Variants in CTNNBL1 observed in about 807,000 individuals in gnomAD.
CTNNBL1 encodes the protein beta-catenin-like protein 1.
A neutral mutation model predicts 72.7 loss-of-function variants in CTNNBL1; 31 were observed. The ratio of observed to expected loss-of-function variants is 0.43; its 90% confidence interval spans 0.32 to 0.58. The LOEUF is 0.58. CTNNBL1 is among the 20% of genes least tolerant of loss of function. The pLI, the probability that CTNNBL1 is intolerant of heterozygous loss-of-function variation, is 0.08. For missense variants in CTNNBL1, 534 were observed against 725.1 expected (o/e 0.74, Z 3.03); for synonymous variants, 240 against 267.3 (o/e 0.90, Z 1.00).
At chr20:37,784,961 A>C (rs184393776) in intron 10 of CTNNBL1, among the ~76,000 whole-genome samples, 1 of 152,058 alleles carries the variant, frequency 6.6e-6, no homozygotes, top group African/African-American at 2.4e-5. Context: ...TTTGTCTGGG[A>C]AAGTCTTTAT....
intron 13 of CTNNBL1, among the ~76,000 whole-genome samples, chr20:37,843,635 C>T (rs187415304): frequency 2.0e-5 from 3 of 152,322 alleles, no homozygotes; most frequent in Admixed American, 1.3e-4. Flanking sequence ...CCTATCACTG[C>T]GCTTTTAATT....
chr20:37,721,989 T>C (rs577251168), intron 1 of CTNNBL1, among the ~76,000 whole-genome samples: 70 of 152,208 alleles, frequency 4.6e-4, no homozygotes, highest in Non-Finnish European at 8.8e-4. Flanking sequence ...TTTCCCCATA[T>C]CCTCACCAAC....
intron 1 of CTNNBL1, among the ~76,000 whole-genome samples, chr20:37,706,281 A>G (rs180910159): frequency 2.6e-5 from 4 of 152,294 alleles, no homozygotes; most frequent in South Asian, 2.1e-4. Flanking sequence ...TCTTCCTTTC[A>G]TGAAAGATTT....
At chr20:37,736,247 A>G (rs2073170482) in intron 2 of CTNNBL1, among the ~76,000 whole-genome samples, 1 of 152,152 alleles carries the variant, frequency 6.6e-6, no homozygotes, top group Non-Finnish European at 1.5e-5. Flanking sequence ...CTAAGCAGTG[A>G]CTATAGCTAA....
At chr20:37,860,207 A>G (rs1004199732) in intron 14 of CTNNBL1, 65 bp from the exon 15 acceptor site, 2 of 1,503,960 alleles carry the variant, frequency 1.3e-6, no homozygotes, top group Non-Finnish European at 1.9e-6. Context: ...TTTCAAGGTG[A>G]TACATTCTGG....
chr20:37,753,547 ATGAAAT>A (rs2073338113), intron 4 of CTNNBL1, among the ~76,000 whole-genome samples: 1 of 152,228 alleles, frequency 6.6e-6, no homozygotes, highest in African/African-American at 2.4e-5. Context: ...TAGCTGAAAT[ATGAAAT>A]TAGGTCTTCC....
chr20:37,723,531 A>G (rs1469218915), intron 1 of CTNNBL1, among the ~76,000 whole-genome samples: 5 of 152,160 alleles, frequency 3.3e-5, no homozygotes, highest in Non-Finnish European at 5.9e-5. Flanking sequence ...TCCAGAAAAA[A>G]AGGTAGTAGG....
In CTNNBL1 at chr20:37,767,980, G is replaced by A. The variant is rs746327161; in HGVS notation, c.686G>A (p.Arg229Gln). The A allele has an allele frequency of 1.4e-5, 22 of 1,613,886 alleles. No individual in the cohort carries two copies. Among genetic ancestry groups the A allele is most frequent in the East Asian group, 4.5e-5 (2 of 44,892 alleles). The change falls in exon 7 of 16, where the codon CGG (arginine) becomes CAG (glutamine). Residue 229 changes from arginine to glutamine, a missense_variant. Physicochemically the swap from Arg to Gln is conservative, Grantham distance 43. Transcript: ENST00000361383. ...ATTGTGGAAAACATGGCTGAGTTCC[G>A]GCCTGAGATGTGTACAGAGGGTGCC... ...LAIVENMAEF[R>Q]PEMCTEGAQQ...
intron 1 of CTNNBL1, among the ~76,000 whole-genome samples, chr20:37,704,336 T>A (rs2072867973): frequency 6.6e-6 from 1 of 152,086 alleles, no homozygotes; most frequent in Admixed American, 6.6e-5. Context: ...GGAAAAGGCT[T>A]TATGGAGGGA....
intron 12 of CTNNBL1, 73 bp from the exon 13 acceptor site, chr20:37,842,266 A>G (rs966191473): frequency 3.9e-6 from 4 of 1,016,832 alleles, no homozygotes; most frequent in Non-Finnish European, 4.7e-6. Context: ...AGTGAGATGA[A>G]TAGGAGTGCC....
At chr20:37,782,133 A>G (rs1246798292) in intron 10 of CTNNBL1, among the ~76,000 whole-genome samples, 1 of 152,188 alleles carries the variant, frequency 6.6e-6, no homozygotes, top group Admixed American at 6.5e-5. Flanking sequence ...TTAACTTTCT[A>G]CGTTAAGTGC....
chr20:37,797,489 G>A (rs1341530422), intron 10 of CTNNBL1, among the ~76,000 whole-genome samples: 1 of 151,804 alleles, frequency 6.6e-6, no homozygotes, highest in Non-Finnish European at 1.5e-5. Context: ...CCCTCCCAGG[G>A]TAATCTTACT....
chr20:37,800,606 A>C (rs921598945), intron 10 of CTNNBL1, among the ~76,000 whole-genome samples: 1 of 152,156 alleles, frequency 6.6e-6, no homozygotes, highest in Non-Finnish European at 1.5e-5. Context: ...ATTTATTTTA[A>C]ATATTTACAT....
At chr20:37,768,099 T>C in intron 7 of CTNNBL1, 55 bp downstream of exon 7, 1 of 1,438,770 alleles carries the variant, frequency 7.0e-7, no homozygotes, top group South Asian at 1.1e-5. Flanking sequence ...CTGGGCTTGA[T>C]TGATGCTGGG....
chr20:37,779,151 T>C, intron 9 of CTNNBL1, 36 bp from the exon 10 acceptor site: 4 of 1,607,372 alleles, frequency 2.5e-6, no homozygotes, highest in Non-Finnish European at 3.4e-6. Flanking sequence ...GACATTCTCT[T>C]ATAGCTCTGT....
intron 11 of CTNNBL1, among the ~76,000 whole-genome samples, chr20:37,823,937 T>C (rs183855094): frequency 5.6e-4 from 86 of 152,308 alleles, no homozygotes; most frequent in Non-Finnish European, 1.0e-3. Flanking sequence ...AAGGACTCCT[T>C]ACAAAAGACC....
intron 3 of CTNNBL1, among the ~76,000 whole-genome samples, chr20:37,742,586 A>C (rs1600457090): frequency 6.6e-6 from 1 of 152,046 alleles, no homozygotes; most frequent in East Asian, 1.9e-4. Context: ...TCCTTTGGTT[A>C]GATTTGGCAC....
At chr20:37,859,873 A>T (rs759758094) in intron 13 of CTNNBL1, 26 bp from the exon 14 acceptor site, 1 of 1,611,694 alleles carries the variant, frequency 6.2e-7, no homozygotes, top group Non-Finnish European at 8.5e-7. Context: ...TCCAGCTTTT[A>T]TTCCTAAACG....
At chr20:37,764,994 T>C (rs776698346) in intron 5 of CTNNBL1, among the ~76,000 whole-genome samples, 3 of 152,202 alleles carry the variant, frequency 2.0e-5, no homozygotes, top group Non-Finnish European at 4.4e-5. Context: ...TTAGAGATAA[T>C]GATGCCTGCC....
Sources: gnomAD v4.1 joint callset for allele counts (sites outside exome capture counted in the v4.1 genomes callset) on GRCh38, gnomAD v4.1.1 for gene constraint, MANE v1.5 for transcripts, NCBI Gene and HGNC (gene_info 2026-07-23, HGNC 2026-07-21) for gene names.